AP3B1: variants seen among roughly 807,000 people sequenced by gnomAD.
The protein encoded by AP3B1 is adaptor related protein complex 3 subunit beta 1.
Under a neutral mutation model 132.5 loss-of-function variants are expected in AP3B1, and 61 were observed. The ratio of observed to expected loss-of-function variants is 0.46; its 90% CI spans 0.37 to 0.57. The LOEUF is 0.57. AP3B1 is among the 20% of genes least tolerant of loss of function. The pLI is 0.00. For missense variants in AP3B1, 1,120 were observed against 1,289.4 expected, an observed-to-expected ratio of 0.87 and a Z score of 2.01; for synonymous variants, 388 against 438.3, an observed-to-expected ratio of 0.89 and a Z score of 1.43.
At chr5:78,016,620 T>C (rs1746865546) in intron 25 of AP3B1, among the ~76,000 whole-genome samples, 2 of 152,082 alleles carry the variant, frequency 1.3e-5, no homozygotes, top group Admixed American at 1.3e-4. Context: ...TAGTTATTTA[T>C]TGCAAATGAA....
intron 17 of AP3B1, among the ~76,000 whole-genome samples, chr5:78,116,527 C>T (rs1751836160): frequency 6.6e-6 from 1 of 151,390 alleles, no homozygotes; most frequent in Admixed American, 6.6e-5. Flanking sequence ...AGTAATATAT[C>T]CTAAAATAGG....
intron 9 of AP3B1, among the ~76,000 whole-genome samples, chr5:78,176,888 T>C (rs1261055335): frequency 6.6e-6 from 1 of 152,192 alleles, no homozygotes; most frequent in African/African-American, 2.4e-5. Context: ...TCCAGCTTTA[T>C]AGGAAGCACA....
intron 2 of AP3B1, among the ~76,000 whole-genome samples, chr5:78,248,386 A>C (rs1308004708): frequency 6.6e-6 from 1 of 150,542 alleles, no homozygotes; most frequent in Non-Finnish European, 1.5e-5. Context: ...CCAGCTACTC[A>C]GGAGGCTGAG....
intron 1 of AP3B1, among the ~76,000 whole-genome samples, chr5:78,277,606 A>G (rs1473005338): frequency 6.6e-6 from 1 of 152,346 alleles, no homozygotes; most frequent in East Asian, 1.9e-4. Flanking sequence ...ATCATACAAG[A>G]TAACAGAGCA....
At chr5:78,096,403 T>C (rs173760) in intron 21 of AP3B1, among the ~76,000 whole-genome samples, 36,229 of 151,242 alleles carry the variant, frequency 0.24, 4,549 homozygotes, top group Admixed American at 0.31. Flanking sequence ...TCCCAAAGCG[T>C]CCAGAGTGCA....
At chr5:78,165,364 A>T (rs1561451116) in intron 12 of AP3B1, among the ~76,000 whole-genome samples, 2 of 152,218 alleles carry the variant, frequency 1.3e-5, no homozygotes, top group Non-Finnish European at 2.9e-5. Context: ...ACAATTTCAA[A>T]CAAAGACAGA....
At position 78,005,407 on chromosome 5, in the gene AP3B1, T is replaced by C. The variant is rs149863456; in HGVS notation, c.3132-2352A>G. Among the ~76,000 whole-genome samples, 5 of 152,334 alleles carry C rather than the reference T, an allele frequency of 3.3e-5. No homozygotes were observed. The South Asian group carries it at 8.3e-4, about 25-fold the overall frequency. The stretch of plus-strand genomic sequence containing the variant: ...AGTTAATGTTACAATTAATATAAAG[T>C]TGGCAGAGACAAATGTCAATTTTGG... On this transcript the variant is annotated intron_variant, in intron 26 of 26. Coordinates refer to ENST00000255194, the MANE Select transcript of AP3B1 (RefSeq NM_003664.5).
chr5:78,043,828 G>T, intron 22 of AP3B1: 1 of 366,898 alleles, frequency 2.7e-6, no homozygotes, highest in South Asian at 2.6e-5. Context: ...TTTAGTACCA[G>T]GGAATACACC....
At chr5:78,197,365 T>C (rs1326961479) in intron 7 of AP3B1, among the ~76,000 whole-genome samples, 13 of 152,280 alleles carry the variant, frequency 8.5e-5, no homozygotes, top group African/African-American at 3.1e-4. Context: ...GTTGTTACAT[T>C]ACATATAAGC....
chr5:78,243,290 C>CATTT (rs1178698644), intron 2 of AP3B1, among the ~76,000 whole-genome samples: 7 of 152,140 alleles, frequency 4.6e-5, no homozygotes, highest in Non-Finnish European at 8.8e-5. Flanking sequence ...TTCATTCATT[C>CATTT]ATTCATTCAT....
At chr5:78,180,756 C>T (rs1230882323) in intron 8 of AP3B1, among the ~76,000 whole-genome samples, 1 of 151,784 alleles carries the variant, frequency 6.6e-6, no homozygotes, top group East Asian at 1.9e-4. Context: ...AATATATGTA[C>T]ACTTATGCAG....
At chr5:78,103,789 A>G (rs1323730521) in intron 20 of AP3B1, among the ~76,000 whole-genome samples, 2 of 152,154 alleles carry the variant, frequency 1.3e-5, no homozygotes, top group Admixed American at 1.3e-4. Flanking sequence ...AATGCAATAC[A>G]AAGTCACAGG....
intron 22 of AP3B1, chr5:78,043,904 A>G: frequency 2.8e-6 from 1 of 355,330 alleles, no homozygotes; most frequent in South Asian, 2.7e-5. Context: ...AACCATTACC[A>G]TGGGTTGGGG....
chr5:78,195,546 G>A (rs116515844), intron 7 of AP3B1, among the ~76,000 whole-genome samples: 1,770 of 152,298 alleles, frequency 0.012, 25 homozygotes, highest in African/African-American at 0.04. Context: ...CAGGCCAGGC[G>A]CAGCGGCTCA....
At chr5:78,224,124 A>C (rs1194590673) in intron 6 of AP3B1, among the ~76,000 whole-genome samples, 1 of 152,164 alleles carries the variant, frequency 6.6e-6, no homozygotes, top group Non-Finnish European at 1.5e-5. Context: ...TATTGACTTC[A>C]TATCTGGCAG....
At chr5:78,249,272 CAGG>C (rs1179803753) in intron 2 of AP3B1, among the ~76,000 whole-genome samples, 1 of 152,062 alleles carries the variant, frequency 6.6e-6, no homozygotes, top group Non-Finnish European at 1.5e-5. Context: ...GAGACTGAAG[CAGG>C]AGAAGCTTGA....
intron 14 of AP3B1, among the ~76,000 whole-genome samples, chr5:78,151,224 CA>C (rs1753636545): frequency 6.6e-6 from 1 of 152,122 alleles, no homozygotes; most frequent in African/African-American, 2.4e-5. Flanking sequence ...CACCTGGTCA[CA>C]TTTTGTTTTC....
intron 12 of AP3B1, among the ~76,000 whole-genome samples, chr5:78,164,063 ATAAAT>A (rs1580429655): frequency 1.3e-5 from 2 of 152,104 alleles, no homozygotes; most frequent in Admixed American, 6.5e-5. Flanking sequence ...CATTGAACAA[ATAAAT>A]TAAATTAATT....
chr5:78,270,593 C>T (rs1404403977), intron 1 of AP3B1, among the ~76,000 whole-genome samples: 4 of 152,166 alleles, frequency 2.6e-5, no homozygotes, highest in Admixed American at 2.6e-4. Flanking sequence ...ATAAAAGATG[C>T]TACTATCCAA....
Sources: allele counts gnomAD v4.1 joint callset (sites outside exome capture counted in the v4.1 genomes callset), GRCh38; gene constraint gnomAD v4.1.1; transcripts MANE v1.5; gene names NCBI Gene and HGNC (gene_info 2026-07-23, HGNC 2026-07-21).